ATP8A1: variants seen among roughly 807,000 people sequenced by gnomAD.
ATP8A1 encodes the protein ATPase phospholipid transporting 8A1.
ATP8A1 carries 90 observed loss-of-function variants against 177.7 expected under a neutral mutation model. The ratio of observed to expected loss-of-function variants is 0.51; its 90% CI spans 0.43 to 0.60. The LOEUF (loss-of-function observed/expected upper bound fraction) is 0.60, where lower values mean the gene tolerates loss of function less well. ATP8A1 is among the 20% of genes least tolerant of loss of function. ATP8A1 has a pLI of 0.00. For missense variants in ATP8A1, 1,072 were observed against 1,392.8 expected (o/e 0.77, Z 3.67); for synonymous variants, 493 against 485.9 (o/e 1.01, Z -0.19).
rs1729218566 is a variant in ATP8A1 at position 42,549,060 on chromosome 4, C to T, written c.1605G>A (p.Leu535=). The change falls in exon 19 of 37, where the codon CTG becomes CTA. Residue 535 remains leucine (L), a splice_region_variant and synonymous_variant. Coordinates refer to ENST00000381668, the MANE Select transcript of ATP8A1 (RefSeq NM_006095.2). ...RTPDSVIIDS[L]GQEERYELLN... is the part of the protein sequence containing the mutation. ...GCAATTCATATCTTTCTTCCTGCCC[C>T]AGCTAAGAAGAAAAGGAATATATAA... The T allele has an allele frequency of 1.9e-6, 3 of 1,609,868 alleles. No individual in the cohort carries two copies. The highest frequency in any genetic ancestry group is 1.7e-6 in the Non-Finnish European group (2 of 1,177,124).
chr4:42,622,929 A>G (rs1303926162), intron 4 of ATP8A1, among the ~76,000 whole-genome samples: 1 of 151,420 alleles, frequency 6.6e-6, no homozygotes, highest in African/African-American at 2.4e-5. Flanking sequence ...GAATCGCTTG[A>G]ACCTGGGAGG....
intron 32 of ATP8A1, 116 bp downstream of exon 32, chr4:42,444,462 G>T: frequency 1.0e-6 from 1 of 964,460 alleles, no homozygotes; most frequent in Non-Finnish European, 1.6e-6. Flanking sequence ...GAAAACCTGT[G>T]GACTAGGACA....
At chr4:42,467,374 C>T (rs2153183933) in intron 25 of ATP8A1, among the ~76,000 whole-genome samples, 1 of 152,274 alleles carries the variant, frequency 6.6e-6, no homozygotes, top group South Asian at 2.1e-4. Flanking sequence ...CTAGCCAGAG[C>T]ATCTGCTTCC....
chr4:42,466,031 C>CAAA lies in ATP8A1; in HGVS notation c.2325-958_2325-956dup, dbSNP rs57949092. On this transcript the variant is annotated intron_variant, in intron 25 of 36. Transcript: ENST00000381668. ...TGGGCGACAGAGCAAGACTCCGTCT[C>CAAA]AAAAAAAAAAAAAAAAAAAAAAAAA... Among the ~76,000 whole-genome samples the CAAA allele has an allele frequency of 6.7e-3, 720 of 107,970 alleles. 50 individuals carry two copies. Among genetic ancestry groups the CAAA allele is most frequent in the South Asian group, 8.5e-3 (26 of 3,076 alleles). 70.8% of individuals were successfully genotyped at this position (107,970 alleles called of 152,430 possible). A position where few individuals can be genotyped will look rare whatever the true frequency, so the allele number is the denominator to read the frequency against.
chr4:42,581,864 C>A, intron 9 of ATP8A1, 132 bp from the exon 10 acceptor site: 1 of 661,428 alleles, frequency 1.5e-6, no homozygotes, highest in East Asian at 2.8e-5. Flanking sequence ...AGTAATTTCC[C>A]CCCAGTACAA....
In ATP8A1 at chr4:42,409,220, C is replaced by T. The variant is rs1339416866; in HGVS notation, c.*3696G>A. ...AATATGAACTCATGCAAACCATAAACCTATCAAAAACACAGCTGTTCTCAT... is the reference window on the plus strand; with the variant it reads ...AATATGAACTCATGCAAACCATAAATCTATCAAAAACACAGCTGTTCTCAT... On this transcript the variant is annotated 3_prime_UTR_variant, in exon 37 of 37. Transcript: ENST00000381668. The T allele has an allele frequency of 6.6e-6, 1 of 152,098 alleles. No homozygotes were observed. The highest frequency in any genetic ancestry group is 1.5e-5 in the Non-Finnish European group (1 of 67,988). 9.4% of individuals were successfully genotyped at this position (152,098 alleles called of 1,614,324 possible).
At chr4:42,455,223 C>T (rs1339055419) in intron 29 of ATP8A1, 74 bp downstream of exon 29, 1 of 1,574,490 alleles carries the variant, frequency 6.4e-7, no homozygotes, top group Non-Finnish European at 8.6e-7. Context: ...CCTTTGAAAA[C>T]CACATACCCC....
chr4:42,522,901 A>C (rs149761693), intron 21 of ATP8A1, among the ~76,000 whole-genome samples: 3 of 152,234 alleles, frequency 2.0e-5, no homozygotes, highest in Admixed American at 6.5e-5. Flanking sequence ...TCCTCTATTA[A>C]AGCACTTGGA....
chr4:42,574,275 C>A (rs1732191819), intron 14 of ATP8A1, among the ~76,000 whole-genome samples: 1 of 152,040 alleles, frequency 6.6e-6, no homozygotes, highest in African/African-American at 2.4e-5. Flanking sequence ...CTGCTCAAGG[C>A]CTGATTATCT....
intron 25 of ATP8A1, among the ~76,000 whole-genome samples, chr4:42,477,144 T>C (rs1245740269): frequency 6.6e-6 from 1 of 152,226 alleles, no homozygotes; most frequent in African/African-American, 2.4e-5. Context: ...TTAAGGTTAC[T>C]GGCACACAGG....
intron 24 of ATP8A1, among the ~76,000 whole-genome samples, chr4:42,488,433 C>G (rs572563242): frequency 7.0e-4 from 106 of 152,154 alleles, no homozygotes; most frequent in Non-Finnish European, 7.9e-4. Context: ...TCAGACAGTA[C>G]CAGGCGCAGC....
chr4:42,456,633 C>T (rs1337167407), intron 27 of ATP8A1, among the ~76,000 whole-genome samples: 1 of 152,072 alleles, frequency 6.6e-6, no homozygotes. Context: ...TTTTAAAAAG[C>T]AGACCTGAAG....
intron 23 of ATP8A1, 36 bp downstream of exon 23, chr4:42,506,980 A>G (rs779762905): frequency 2.5e-6 from 4 of 1,604,166 alleles, no homozygotes; most frequent in Non-Finnish European, 3.4e-6. Context: ...CTTATTAAAA[A>G]GCACCAACAT....
Position 42,412,986 on chromosome 4 carries a change from T to C in ATP8A1, c.3425A>G (p.Asn1142Ser). Residue 1142 changes from asparagine (N) to serine (S), a missense_variant, in exon 37 of 37, where the codon AAT becomes AGT. By Grantham distance (46) the Asn-to-Ser change is conservative. Coordinates refer to ENST00000381668, the MANE Select transcript of ATP8A1 (RefSeq NM_006095.2). ...LHGYAFSQDE[N>S]GIVSQSEVIR... ...CACTTCAGACTGTGAAACGATTCCA[T>C]TTTCATCTTGAGAGAACGCATACCC... The C allele has an allele frequency of 6.2e-7, 1 of 1,613,386 alleles. No homozygotes were observed. The highest frequency in any genetic ancestry group is 8.5e-7 in the Non-Finnish European group (1 of 1,179,522).
rs533218340 is a variant in ATP8A1 at position 42,446,778 on chromosome 4, A to G, written c.2897-134T>C. On this transcript the variant is annotated intron_variant, in intron 30 of 36. Transcript: ENST00000381668. ...ATGGAGCCAGAAATGAGATTAAAAAAAAAAACAACCCCAAACACTCTTGAG... is the reference window on the plus strand; with the variant it reads ...ATGGAGCCAGAAATGAGATTAAAAAGAAAAACAACCCCAAACACTCTTGAG... 169 of 728,350 alleles carry G rather than the reference A, an allele frequency of 2.3e-4. 1 individual carries two copies. The East Asian group carries it at 4.2e-3, about 18-fold the overall frequency. 45.1% of individuals were successfully genotyped at this position (728,350 alleles called of 1,614,324 possible).
At chr4:42,605,646 G>C (rs1471428721) in intron 5 of ATP8A1, among the ~76,000 whole-genome samples, 1 of 152,092 alleles carries the variant, frequency 6.6e-6, no homozygotes, top group Non-Finnish European at 1.5e-5. Flanking sequence ...TTCTGTACGT[G>C]CTCATTTTCC....
chr4:42,525,362 GGGT>G (rs1316784666), intron 20 of ATP8A1, among the ~76,000 whole-genome samples: 3 of 152,118 alleles, frequency 2.0e-5, no homozygotes, highest in African/African-American at 7.2e-5. Context: ...GAACTTTTTA[GGGT>G]TTAGAGCATG....
intron 15 of ATP8A1, among the ~76,000 whole-genome samples, chr4:42,564,225 G>A (rs867274086): frequency 5.9e-5 from 9 of 152,306 alleles, no homozygotes; most frequent in Middle Eastern, 3.4e-3. Flanking sequence ...CTCTGCTAGC[G>A]CAGTGCAGAA....
chr4:42,620,706 G>A (rs1206994152), intron 4 of ATP8A1, among the ~76,000 whole-genome samples: 1 of 152,176 alleles, frequency 6.6e-6, no homozygotes, highest in East Asian at 1.9e-4. Flanking sequence ...ATAGGGATAA[G>A]ATCAATAACA....
Sources: allele counts gnomAD v4.1 joint callset (sites outside exome capture counted in the v4.1 genomes callset), GRCh38; gene constraint gnomAD v4.1.1; transcripts MANE v1.5; gene names NCBI Gene and HGNC (gene_info 2026-07-23, HGNC 2026-07-21).